Variants in ZBTB7A observed in about 807,000 individuals in gnomAD.
The protein encoded by ZBTB7A is zinc finger and BTB domain containing 7A.
A neutral mutation model predicts 26.7 loss-of-function variants in ZBTB7A; 7 were observed. The observed-to-expected ratio is 0.26, with a 90% CI of 0.15 to 0.49. The LOEUF is 0.49. Among genes scored for constraint, ZBTB7A ranks in the 20% least tolerant of loss-of-function variants. ZBTB7A has a pLI of 0.98. For missense variants in ZBTB7A, 617 were observed against 919.5 expected (o/e 0.67, Z 4.25); for synonymous variants, 452 against 441.0 (o/e 1.02, Z -0.31).
At chr19:4,049,862 G>A (rs2040479687) in intron 2 of ZBTB7A, among the ~76,000 whole-genome samples, 1 of 152,074 alleles carries the variant, frequency 6.6e-6, no homozygotes, top group South Asian at 2.1e-4. Context: ...TCAAATTTGG[G>A]CTCAAATGTC....
In ZBTB7A at chr19:4,047,706, T is replaced by C. The variant is rs941199450; in HGVS notation, c.*46A>G. 1 of 1,561,468 alleles carries C rather than the reference T, an allele frequency of 6.4e-7. No homozygotes were observed. The highest frequency in any genetic ancestry group is 8.6e-7 in the Non-Finnish European group (1 of 1,157,816). On this transcript the variant is annotated 3_prime_UTR_variant, in exon 3 of 3. Coordinates refer to ENST00000322357, the MANE Select transcript of ZBTB7A (RefSeq NM_015898.4). ...GGTGGTGGGTGATTTTTTTTCTCTC[T>C]CTCTGTCTCTCTCTTTCTCGGGTTT...
Position 4,047,608 on chromosome 19 carries a change from T to TATATCTGTATATATATATATAGATATAG in ZBTB7A, c.*116_*143dup, listed in dbSNP as rs2040437273. ...TAGATTCTGTGACGCGTCATATATA[T>TATATCTGTATATATATATATAGATATAG]ATATCTGTATATATATATATAGATA... On this transcript the variant is annotated 3_prime_UTR_variant, in exon 3 of 3. Coordinates refer to ENST00000322357, the MANE Select transcript of ZBTB7A (RefSeq NM_015898.4). The TATATCTGTATATATATATATAGATATAG allele has an allele frequency of 2.3e-5, 14 of 609,068 alleles. No homozygotes were observed. The highest frequency in any genetic ancestry group is 9.9e-5 in the African/African-American group (5 of 50,710). The allele number at this position is 609,068 out of a possible 1,614,324, so 37.7% of individuals were successfully genotyped here.
rs1385579708 is a variant in ZBTB7A, at chr19:4,052,505, G to A, written c.1262+1466C>T. 1.3e-5 allele frequency among the ~76,000 whole-genome samples: 2 copies of A among 152,182 alleles called. No individual in the cohort carries two copies. Among genetic ancestry groups the A allele is most frequent in the Non-Finnish European group, 1.5e-5 (1 of 68,012 alleles). On this transcript the variant is annotated intron_variant, in intron 2 of 2. Coordinates refer to ENST00000322357, the MANE Select transcript of ZBTB7A (RefSeq NM_015898.4). The surrounding 1 kb of genome is among the most constrained non-coding windows in gnomAD (Gnocchi z 4.9). ...CTCCTGGCCTGCTGGGGAGGGGGCC[G>A]GGGTGCTGGGGAGGGGTCAGTCCCA... is the stretch of plus-strand genomic sequence containing the variant.
rs1568226485 is a variant in ZBTB7A at position 4,043,714 on chromosome 19, GGCCCGGCCCCC to G, written c.*4027_*4037del. On this transcript the variant is annotated 3_prime_UTR_variant, in exon 3 of 3. Coordinates refer to ENST00000322357, the MANE Select transcript of ZBTB7A (RefSeq NM_015898.4). Reference sequence around the variant, plus strand: ...TCTCCCTGGCCCCCTCCACCCCCTGGGCCCGGCCCCCCCCCCCCCCCCCCGTAAATCTATGT... The same window carrying G: ...TCTCCCTGGCCCCCTCCACCCCCTGGCCCCCCCCCCCCCGTAAATCTATGT... Among the ~76,000 whole-genome samples, 3,026 of 48,956 alleles carry G rather than the reference GGCCCGGCCCCC, an allele frequency of 0.062. 320 individuals are homozygous for G. Among genetic ancestry groups the G allele is most frequent in the African/African-American group, 0.21 (2,840 of 13,318 alleles). The allele number at this position is 48,956 out of a possible 152,430, so 32.1% of individuals were successfully genotyped here.
intron 1 of ZBTB7A, among the ~76,000 whole-genome samples, chr19:4,064,548 C>G (rs1332463446): frequency 5.9e-5 from 9 of 152,264 alleles, no homozygotes; most frequent in Admixed American, 5.9e-4. Context: ...CTCTCCCAGA[C>G]CAGTTTGCCA....
chr19:4,047,971 C>G lies in ZBTB7A; in HGVS notation c.1536G>C (p.Pro512=). ...GGGCGCCGGGGGTCGCGGTGGCCCC[C>G]GGGCTGGGGTCGGGCGCCCCGCCCC... ...RVRGGAPDPS[P]GATATPGAPA... is the part of the protein sequence containing the mutation. Residue 512 remains proline (P), a synonymous_variant, in exon 3 of 3, where the codon CCG becomes CCC. Transcript: ENST00000322357. 8.1e-7 allele frequency: 1 copy of G among 1,239,122 alleles called. No individual in the cohort carries two copies. Among genetic ancestry groups the G allele is most frequent in the Non-Finnish European group, 1.0e-6 (1 of 980,268 alleles). 76.8% of individuals were successfully genotyped at this position (1,239,122 alleles called of 1,614,324 possible). A position where few individuals can be genotyped will look rare whatever the true frequency, so the allele number is the denominator to read the frequency against.
intron 1 of ZBTB7A, among the ~76,000 whole-genome samples, 154 bp downstream of exon 1, chr19:4,066,528 G>C (rs1260191511): frequency 6.6e-6 from 1 of 151,656 alleles, no homozygotes; most frequent in Non-Finnish European, 1.5e-5. Context: ...TCCAGCCTCC[G>C]GGCAGCTGCC....
chr19:4,058,484 C>T (rs555526500), intron 1 of ZBTB7A, among the ~76,000 whole-genome samples: 5 of 152,078 alleles, frequency 3.3e-5, no homozygotes, highest in African/African-American at 4.8e-5. Flanking sequence ...TCCACCCACT[C>T]GGAGCTTGTG....
At position 4,054,694 on chromosome 19, in the gene ZBTB7A, G is replaced by C; in HGVS notation, c.539C>G (p.Ala180Gly). The change falls in exon 2 of 3, where the codon GCT (alanine) becomes GGT (glycine). Residue 180 changes from alanine (A) to glycine (G), a missense_variant. By Grantham distance (60) the Ala-to-Gly change is moderately conservative (BLOSUM62 0). Around this residue, in one of 5 missense-constraint regions of ZBTB7A, gnomAD observed 331 missense variants for 391.3 expected, o/e 0.85. Transcript: ENST00000322357. ...NSLPPAAAAA[A>G]ASFPWSAFGA... is the part of the protein sequence containing the mutation. ...AAAGGCGGACCACGGGAAGCTGGCA[G>C]CGGCGGCGGCGGCCGCGGGGGGCAG... 1 of 1,582,778 alleles carries C rather than the reference G, an allele frequency of 6.3e-7. No individual in the cohort carries two copies. Among genetic ancestry groups the C allele is most frequent in the East Asian group, 2.3e-5 (1 of 43,104 alleles).
At chr19:4,053,171 G>A (rs1404252110) in intron 2 of ZBTB7A, among the ~76,000 whole-genome samples, 1 of 152,186 alleles carries the variant, frequency 6.6e-6, no homozygotes, top group African/African-American at 2.4e-5. Context: ...GTGCCTTCCC[G>A]CCCACCTCCC....
At position 4,052,590 on chromosome 19, in the gene ZBTB7A, C is replaced by T. The variant is rs2040515256; in HGVS notation, c.1262+1381G>A. On this transcript the variant is annotated intron_variant, in intron 2 of 2. Coordinates refer to ENST00000322357, the MANE Select transcript of ZBTB7A (RefSeq NM_015898.4). The surrounding 1 kb of genome is among the most constrained non-coding windows in gnomAD (Gnocchi z 4.9). ...GGACAATGGCCTCTTTCTTCAGCCTCGGTGGGCGTGGCTGGGGGAACCCCA... is the reference window on the plus strand; with the variant it reads ...GGACAATGGCCTCTTTCTTCAGCCTTGGTGGGCGTGGCTGGGGGAACCCCA... Among the ~76,000 whole-genome samples, 1 of 147,844 alleles carries T rather than the reference C, an allele frequency of 6.8e-6. No homozygotes were observed. Among genetic ancestry groups the T allele is most frequent in the African/African-American group, 2.5e-5 (1 of 40,490 alleles).
At chr19:4,061,463 C>T (rs1456809915) in intron 1 of ZBTB7A, among the ~76,000 whole-genome samples, 2 of 152,134 alleles carry the variant, frequency 1.3e-5, no homozygotes, top group Non-Finnish European at 2.9e-5. Flanking sequence ...TGGCCCAGTC[C>T]TCGGCCTGGG....
chr19:4,051,725 C>T (rs1017402858), intron 2 of ZBTB7A, among the ~76,000 whole-genome samples: 4 of 152,230 alleles, frequency 2.6e-5, no homozygotes, highest in African/African-American at 4.8e-5. Flanking sequence ...GGCACAGGGC[C>T]GGGGTCACAG....
chr19:4,060,508 G>A (rs984670569), intron 1 of ZBTB7A, among the ~76,000 whole-genome samples: 1 of 152,202 alleles, frequency 6.6e-6, no homozygotes. Flanking sequence ...CGGCCCAGTC[G>A]AGGTCACACA....
chr19:4,057,593 T>G (rs1242904209), intron 1 of ZBTB7A, among the ~76,000 whole-genome samples: 1 of 151,168 alleles, frequency 6.6e-6, no homozygotes, highest in African/African-American at 2.4e-5. Context: ...ATTGAGACCA[T>G]CCTGGGCAAC....
chr19:4,055,736 T>A (rs1342112287), intron 1 of ZBTB7A, among the ~76,000 whole-genome samples: 1 of 152,090 alleles, frequency 6.6e-6, no homozygotes, highest in African/African-American at 2.4e-5. Flanking sequence ...GGCAGGAGAA[T>A]GGCATGAACC....
At position 4,047,615 on chromosome 19, in the gene ZBTB7A, G is replaced by T; in HGVS notation, c.*137C>A. ...TGTGACGCGTCATATATATATATCTGTATATATATATATAGATATAGATAT... is the reference window on the plus strand; with the variant it reads ...TGTGACGCGTCATATATATATATCTTTATATATATATATAGATATAGATAT... On this transcript the variant is annotated 3_prime_UTR_variant, in exon 3 of 3. Coordinates refer to ENST00000322357, the MANE Select transcript of ZBTB7A (RefSeq NM_015898.4). The T allele has an allele frequency of 1.6e-6, 1 of 622,344 alleles. No homozygotes were observed. Among genetic ancestry groups the T allele is most frequent in the Non-Finnish European group, 2.4e-6 (1 of 410,540 alleles). 38.6% of individuals were successfully genotyped at this position (622,344 alleles called of 1,614,324 possible).
chr19:4,052,368 C>T lies in ZBTB7A; in HGVS notation c.1262+1603G>A, dbSNP rs373706834. Among the ~76,000 whole-genome samples the T allele has an allele frequency of 2.6e-5, 4 of 152,208 alleles. No individual in the cohort carries two copies. Among genetic ancestry groups the T allele is most frequent in the South Asian group, 4.1e-4 (2 of 4,830 alleles). On this transcript the variant is annotated intron_variant, in intron 2 of 2. Transcript: ENST00000322357. The surrounding 1 kb of genome is among the most constrained non-coding windows in gnomAD (Gnocchi z 4.9). ...GAGGAGCCCCCCAAGACCTCCAGTA[C>T]CCCAACCTCACCAAGGAGGGACAAA... is the stretch of plus-strand genomic sequence containing the variant.
chr19:4,056,760 G>T (rs556289069), intron 1 of ZBTB7A, among the ~76,000 whole-genome samples: 1 of 151,968 alleles, frequency 6.6e-6, no homozygotes, highest in African/African-American at 2.4e-5. Flanking sequence ...CCAGCTACTC[G>T]GGAGGCTGAG....
Sources: gnomAD v4.1 joint callset for allele counts (sites outside exome capture counted in the v4.1 genomes callset) on GRCh38, gnomAD v4.1.1 for gene constraint, gnomAD v4.1.1 regional missense constraint, Gnocchi (gnomAD v3.1) non-coding constraint, MANE v1.5 for transcripts, NCBI Gene and HGNC (gene_info 2026-07-23, HGNC 2026-07-21) for gene names.